KLHDC4: variants seen among roughly 807,000 people sequenced by gnomAD.
The protein encoded by KLHDC4 is kelch domain-containing protein 4.
Under a neutral mutation model 62.4 loss-of-function variants are expected in KLHDC4, and 90 were observed. The observed-to-expected ratio is 1.44, with a 90% CI of 1.22 to 1.72. The LOEUF is 1.72. Among genes scored for constraint, KLHDC4 ranks in the 40% most tolerant of loss-of-function variants. KLHDC4 has a pLI of 0.00. For synonymous variants in KLHDC4, 386 were observed against 284.4 expected (o/e 1.36, Z -3.59); for missense variants, 1,025 against 699.7 (o/e 1.47, Z -5.25).
intron 7 of KLHDC4, among the ~76,000 whole-genome samples, chr16:87,716,954 C>T (rs1267581501): frequency 6.7e-6 from 1 of 149,766 alleles, no homozygotes; most frequent in Non-Finnish European, 1.5e-5. Flanking sequence ...AGAAAAGAAA[C>T]TAAGATACCA....
intron 5 of KLHDC4, among the ~76,000 whole-genome samples, 176 bp downstream of exon 5, chr16:87,748,497 G>A (rs1022154024): frequency 6.6e-6 from 1 of 152,164 alleles, no homozygotes; most frequent in African/African-American, 2.4e-5. Context: ...CCAGGCTTCT[G>A]TATGAAGGGT....
chr16:87,764,832 A>G (rs1468466743), intron 1 of KLHDC4, among the ~76,000 whole-genome samples: 8 of 55,490 alleles, frequency 1.4e-4, no homozygotes, highest in African/African-American at 8.3e-4. Flanking sequence ...GACTCTGTCA[A>G]AAAAAAAAAA....
intron 8 of KLHDC4, 137 bp downstream of exon 8, chr16:87,714,361 G>A (rs1011336630): frequency 2.9e-5 from 12 of 412,418 alleles, no homozygotes; most frequent in Non-Finnish European, 3.6e-5. Flanking sequence ...CCCGAAATGA[G>A]CCATCTCGGC....
At position 87,748,787 on chromosome 16, in the gene KLHDC4, C is replaced by T; in HGVS notation, c.392G>A (p.Gly131Asp). ...CCCTCCAAAGACCCACAGCTGTCCG[C>T]CACCTTGAGGCACTACCACCGCCTG... ...AHQAVVVPQG[G>D]GQLWVFGGEF... is the part of the protein sequence containing the mutation. Residue 131 changes from glycine to aspartate, a missense_variant, in exon 5 of 12, where the codon GGC (glycine) becomes GAC (aspartate). Gly to Asp is a moderately conservative substitution (Grantham distance 94, BLOSUM62 -1). Coordinates refer to ENST00000270583, the MANE Select transcript of KLHDC4 (RefSeq NM_017566.4). The T allele has an allele frequency of 6.2e-7, 1 of 1,612,828 alleles. No homozygotes were observed. The highest frequency in any genetic ancestry group is 8.5e-7 in the Non-Finnish European group (1 of 1,179,748).
At chr16:87,716,755 C>T (rs2037077643) in intron 7 of KLHDC4, among the ~76,000 whole-genome samples, 1 of 152,022 alleles carries the variant, frequency 6.6e-6, no homozygotes, top group African/African-American at 2.4e-5. Context: ...CACGATGAAA[C>T]CCCATCTCTA....
At position 87,755,285 on chromosome 16, in the gene KLHDC4, A is replaced by G; in HGVS notation, c.278T>C (p.Leu93Ser). 1 of 1,581,662 alleles carries G rather than the reference A, an allele frequency of 6.3e-7. No homozygotes were observed. The highest frequency in any genetic ancestry group is 8.7e-7 in the Non-Finnish European group (1 of 1,151,418). The change falls in exon 4 of 12, where the codon TTG becomes TCG. Residue 93 changes from leucine to serine, a missense_variant. Leu to Ser is a moderately radical substitution (Grantham distance 145, BLOSUM62 -2). Transcript: ENST00000270583. ...GEYFNGQKTF[L>S]YNELYVYNTR... is the part of the protein sequence containing the mutation. The stretch of plus-strand genomic sequence containing the variant: ...ATTGTAGACATAGAGCTCGTTATAC[A>G]AAAAAGTCTACAGGAAGGAAGAAGA...
chr16:87,713,546 G>A (rs778448264), intron 8 of KLHDC4, among the ~76,000 whole-genome samples: 2 of 152,154 alleles, frequency 1.3e-5, no homozygotes, highest in African/African-American at 4.8e-5. Flanking sequence ...TGATTGAAAA[G>A]TAGCAGGCCA....
intron 5 of KLHDC4, among the ~76,000 whole-genome samples, chr16:87,734,577 T>C (rs901674028): frequency 6.6e-6 from 1 of 152,178 alleles, no homozygotes; most frequent in African/African-American, 2.4e-5. Context: ...CCCCTTTCAA[T>C]GTATCACTGA....
chr16:87,759,257 G>A (rs1179516649), intron 2 of KLHDC4, among the ~76,000 whole-genome samples: 1 of 151,750 alleles, frequency 6.6e-6, no homozygotes, highest in Non-Finnish European at 1.5e-5. Context: ...TTTTTAGGTC[G>A]GGTGCAGTGG....
chr16:87,734,789 C>G (rs1275060710), intron 5 of KLHDC4, among the ~76,000 whole-genome samples: 1 of 152,186 alleles, frequency 6.6e-6, no homozygotes, highest in East Asian at 1.9e-4. Flanking sequence ...TCCACAGACT[C>G]CACAGCAGCT....
rs138678749 is a variant in KLHDC4 at position 87,720,219 on chromosome 16, G to T, written c.760-5646C>A. Among the ~76,000 whole-genome samples the T allele has an allele frequency of 5.7e-3, 863 of 152,344 alleles. 8 individuals carry two copies. The highest frequency in any genetic ancestry group is 0.031 in the Middle Eastern group (9 of 294). On this transcript the variant is annotated intron_variant, in intron 7 of 11. Coordinates refer to ENST00000270583, the MANE Select transcript of KLHDC4 (RefSeq NM_017566.4). The stretch of plus-strand genomic sequence containing the variant: ...GCAGTGGTAGGTAGATAAAGGCCGG[G>T]GAGCGTTTGTGGGAGAAGACGGCCA...
At chr16:87,756,083 G>T in intron 3 of KLHDC4, 1 of 218,838 alleles carries the variant, frequency 4.6e-6, no homozygotes, top group Non-Finnish European at 9.3e-6. Context: ...AGCTGAGTGT[G>T]AAACCTGGAA....
intron 7 of KLHDC4, among the ~76,000 whole-genome samples, chr16:87,717,765 G>A (rs1332820576): frequency 6.1e-5 from 9 of 148,176 alleles, no homozygotes; most frequent in Middle Eastern, 3.4e-3. Flanking sequence ...ATTCAGTGAC[G>A]TCTCTATTTG....
rs186316486 is a variant in KLHDC4 at position 87,726,885 on chromosome 16, C to T, written c.639G>A (p.Leu213=). 93 of 1,613,854 alleles carry T rather than the reference C, an allele frequency of 5.8e-5. 1 individual carries two copies. The East Asian group carries it at 1.4e-3, about 25-fold the overall frequency. ...IYYNDVYAFN[L]DTFTWSKLSP... ...ACAGCTTGCTCCATGTGAAGGTGTC[C>T]AGATTAAAGGCATACACGTCGTTGT... is the stretch of plus-strand genomic sequence containing the variant. Residue 213 remains leucine (L), a synonymous_variant, in exon 7 of 12, where the codon CTG becomes CTA. Coordinates refer to ENST00000270583, the MANE Select transcript of KLHDC4 (RefSeq NM_017566.4).
exon 1 of KLHDC4, chr16:87,700,812 G>A: frequency 4.5e-6 from 1 of 221,422 alleles, no homozygotes; most frequent in Non-Finnish European, 8.7e-6. Flanking sequence ...GGAGGAGGTT[G>A]CAGGGCAGAG....
intron 7 of KLHDC4, among the ~76,000 whole-genome samples, chr16:87,714,938 C>T (rs370538836): frequency 6.6e-6 from 1 of 152,212 alleles, no homozygotes; most frequent in Non-Finnish European, 1.5e-5. Context: ...ATCCCCACCG[C>T]CTTCCAAATA....
chr16:87,709,127 C>G (rs551022309), intron 10 of KLHDC4, 138 bp downstream of exon 10: 24 of 1,107,736 alleles, frequency 2.2e-5, no homozygotes, highest in African/African-American at 1.6e-5. Flanking sequence ...TCAATCTGAC[C>G]GTGGAGGCAG....
intron 2 of KLHDC4, among the ~76,000 whole-genome samples, chr16:87,761,452 A>G (rs1425940478): frequency 6.6e-6 from 1 of 152,220 alleles, no homozygotes; most frequent in Non-Finnish European, 1.5e-5. Context: ...ATTCCAGCTC[A>G]TCCCACACGT....
intron 5 of KLHDC4, among the ~76,000 whole-genome samples, chr16:87,736,340 T>C (rs1272721531): frequency 2.0e-5 from 3 of 152,114 alleles, no homozygotes; most frequent in African/African-American, 7.2e-5. Flanking sequence ...GTATGGTCCG[T>C]CGTGAACAGA....
Sources: gnomAD v4.1 joint callset for allele counts (sites outside exome capture counted in the v4.1 genomes callset) on GRCh38, gnomAD v4.1.1 for gene constraint, MANE v1.5 for transcripts, NCBI Gene and HGNC (gene_info 2026-07-23, HGNC 2026-07-21) for gene names.